Variants in RALYL observed in about 807,000 individuals in gnomAD.
The protein encoded by RALYL is RALY RNA binding protein like, also known as RNA-binding Raly-like protein.
RALYL carries 29 observed loss-of-function variants against 35.1 expected under a neutral mutation model. The ratio of observed to expected loss-of-function variants is 0.83; its 90% CI spans 0.61 to 1.13. The LOEUF is 1.13. Among genes scored for constraint, RALYL ranks in the 50% most tolerant of loss-of-function variants. RALYL has a pLI of 0.00. For synonymous variants in RALYL, 120 were observed against 127.6 expected (o/e 0.94, Z 0.40); for missense variants, 359 against 360.4 (o/e 1.00, Z 0.03).
intron 2 of RALYL, among the ~76,000 whole-genome samples, chr8:84,714,203 A>G (rs1842622816): frequency 6.6e-6 from 1 of 151,902 alleles, no homozygotes. Flanking sequence ...AAAATAGTGG[A>G]AGTCATTAAC....
chr8:84,522,943 C>G (rs750360096), intron 1 of RALYL, among the ~76,000 whole-genome samples: 8 of 152,030 alleles, frequency 5.3e-5, no homozygotes, highest in Non-Finnish European at 1.0e-4. Flanking sequence ...CATGGATACA[C>G]AGTTCCACAT....
intron 8 of RALYL, among the ~76,000 whole-genome samples, chr8:84,903,326 T>C (rs1845987063): frequency 6.6e-6 from 1 of 152,178 alleles, no homozygotes; most frequent in Non-Finnish European, 1.5e-5. Flanking sequence ...CATAATTATC[T>C]TATTTAAAGA....
intron 1 of RALYL, among the ~76,000 whole-genome samples, chr8:84,223,865 G>A (rs1823147607): frequency 6.6e-6 from 1 of 152,134 alleles, no homozygotes; most frequent in South Asian, 2.1e-4. Flanking sequence ...AGACCAGAGT[G>A]TTATGAATTA....
At chr8:84,556,416 AGTAAGT>A (rs958845198) in intron 2 of RALYL, among the ~76,000 whole-genome samples, 1 of 152,182 alleles carries the variant, frequency 6.6e-6, no homozygotes, top group African/African-American at 2.4e-5. Context: ...CCAAACAGCT[AGTAAGT>A]GTCAGAGTTG....
In RALYL at chr8:84,209,798, C is replaced by A. The variant is rs186718758; in HGVS notation, c.-24+25374C>A. ...AGATTTGGCATTCAAGTATAGTGTTCTAACACCTCTTCATCCCCAACTACA... is the reference window on the plus strand; with the variant it reads ...AGATTTGGCATTCAAGTATAGTGTTATAACACCTCTTCATCCCCAACTACA... On this transcript the variant is annotated intron_variant, in intron 1 of 8. Coordinates refer to ENST00000521268, the MANE Select transcript of RALYL (RefSeq NM_173848.7). Among the ~76,000 whole-genome samples the A allele has an allele frequency of 9.9e-4, 151 of 152,264 alleles. No homozygotes were observed. The Middle Eastern group carries it at 0.024, about 24-fold the overall frequency.
intron 1 of RALYL, among the ~76,000 whole-genome samples, chr8:84,305,770 C>T (rs76853786): frequency 0.036 from 5,410 of 152,162 alleles, 227 homozygotes; most frequent in Admixed American, 0.12. Flanking sequence ...GCATAGTCTC[C>T]GCTACTGCAA....
intron 1 of RALYL, among the ~76,000 whole-genome samples, chr8:84,350,363 G>GCAA (rs1333150421): frequency 6.6e-6 from 1 of 150,448 alleles, no homozygotes; most frequent in Non-Finnish European, 1.5e-5. Flanking sequence ...GCTGTTGAGT[G>GCAA]CTGTTTTTCA....
intron 1 of RALYL, among the ~76,000 whole-genome samples, chr8:84,466,831 G>C (rs995430845): frequency 8.6e-5 from 13 of 151,378 alleles, no homozygotes; most frequent in African/African-American, 2.9e-4. Flanking sequence ...CCTGTTATTG[G>C]TCTATTCAGA....
At chr8:84,341,860 T>G (rs1413126104) in intron 1 of RALYL, among the ~76,000 whole-genome samples, 1 of 151,950 alleles carries the variant, frequency 6.6e-6, no homozygotes. Flanking sequence ...ATCTATCATT[T>G]GAGAGTTATG....
At chr8:84,290,042 AT>A (rs1207664993) in intron 1 of RALYL, among the ~76,000 whole-genome samples, 4 of 152,224 alleles carry the variant, frequency 2.6e-5, no homozygotes, top group Non-Finnish European at 5.9e-5. Flanking sequence ...TTAATAAAAT[AT>A]TAGACGCTGA....
rs146509555 is a variant in RALYL at position 84,429,450 on chromosome 8, T to C, written c.-23-99849T>C. Among the ~76,000 whole-genome samples, 620 of 152,130 alleles carry C rather than the reference T, an allele frequency of 4.1e-3. 6 individuals carry two copies. The highest frequency in any genetic ancestry group is 0.014 in the African/African-American group (585 of 41,548). The stretch of plus-strand genomic sequence containing the variant: ...ATGCATTTTGGACCAGTACTTTCAA[T>C]GAGGGCTGAAACAAATGAGATTTTT... On this transcript the variant is annotated intron_variant, in intron 1 of 8. Coordinates refer to ENST00000521268, the MANE Select transcript of RALYL (RefSeq NM_173848.7).
At chr8:84,402,183 A>G (rs2131994644) in intron 1 of RALYL, among the ~76,000 whole-genome samples, 1 of 152,326 alleles carries the variant, frequency 6.6e-6, no homozygotes, top group African/African-American at 2.4e-5. Context: ...TTGTTCCTAC[A>G]GAGAAATAGA....
intron 1 of RALYL, among the ~76,000 whole-genome samples, chr8:84,525,550 G>A (rs1481365073): frequency 6.6e-6 from 1 of 151,734 alleles, no homozygotes. Flanking sequence ...GAATATTTTG[G>A]CCATTAATTT....
At chr8:84,425,541 G>C (rs545801026) in intron 1 of RALYL, among the ~76,000 whole-genome samples, 22 of 152,318 alleles carry the variant, frequency 1.4e-4, no homozygotes, top group African/African-American at 5.0e-4. Context: ...CTGTAGACTG[G>C]AGCTGTTCCT....
intron 5 of RALYL, among the ~76,000 whole-genome samples, chr8:84,861,006 A>G (rs1837991829): frequency 6.6e-6 from 1 of 152,110 alleles, no homozygotes; most frequent in African/African-American, 2.4e-5. Context: ...AGATGATCAC[A>G]TTTTCATCTG....
intron 1 of RALYL, among the ~76,000 whole-genome samples, chr8:84,319,492 AGTT>A (rs1174293053): frequency 6.6e-6 from 1 of 151,988 alleles, no homozygotes; most frequent in African/African-American, 2.4e-5. Flanking sequence ...AAAGAAGACT[AGTT>A]GTTCTTTTTC....
At chr8:84,835,293 A>G (rs982398131) in intron 4 of RALYL, among the ~76,000 whole-genome samples, 1 of 152,156 alleles carries the variant, frequency 6.6e-6, no homozygotes, top group Non-Finnish European at 1.5e-5. Context: ...TAATCAAAGA[A>G]TAGCACAGAA....
intron 1 of RALYL, among the ~76,000 whole-genome samples, chr8:84,288,385 T>C (rs1354459150): frequency 6.6e-6 from 1 of 152,312 alleles, no homozygotes; most frequent in East Asian, 1.9e-4. Flanking sequence ...CATGTCATCA[T>C]TGCCGATTTT....
chr8:84,542,480 T>C (rs886246653), intron 2 of RALYL, among the ~76,000 whole-genome samples: 6 of 150,848 alleles, frequency 4.0e-5, no homozygotes, highest in Non-Finnish European at 5.9e-5. Flanking sequence ...TCCCCATGTA[T>C]TGTGAGGGGG....
Sources: gnomAD v4.1 joint callset for allele counts (sites outside exome capture counted in the v4.1 genomes callset) on GRCh38, gnomAD v4.1.1 for gene constraint, MANE v1.5 for transcripts, NCBI Gene and HGNC (gene_info 2026-07-23, HGNC 2026-07-21) for gene names.